The following PALS1 variants were observed in gnomAD, a reference collection of about 807,000 sequenced individuals.
The protein encoded by PALS1 is protein associated with LIN7 1, MAGUK p55 family member, also known as protein PALS1.
A neutral mutation model predicts 78.9 loss-of-function variants in PALS1; 31 were observed. The observed-to-expected ratio is 0.39, with a 90% confidence interval of 0.30 to 0.53. PALS1 has a LOEUF of 0.53. PALS1 is among the 20% of genes least tolerant of loss of function. The pLI is 0.67. For missense variants in PALS1, 704 were observed against 826.5 expected (o/e 0.85, Z 1.82); for synonymous variants, 276 against 270.9 (o/e 1.02, Z -0.18).
At chr14:67,291,453 T>G (rs1007740876) in intron 3 of PALS1, among the ~76,000 whole-genome samples, 1 of 152,022 alleles carries the variant, frequency 6.6e-6, no homozygotes, top group Admixed American at 6.6e-5. Context: ...CCCGGCTAAT[T>G]TTTGTATTTT....
intron 2 of PALS1, among the ~76,000 whole-genome samples, chr14:67,273,609 A>G (rs2084450692): frequency 6.6e-6 from 1 of 152,236 alleles, no homozygotes; most frequent in Non-Finnish European, 1.5e-5. Context: ...TTATAGCAGC[A>G]TGATTTATAA....
At chr14:67,330,455 A>ATT (rs533831095) in intron 14 of PALS1, among the ~76,000 whole-genome samples, 23 of 117,798 alleles carry the variant, frequency 2.0e-4, no homozygotes, top group Middle Eastern at 4.1e-3. Flanking sequence ...ATTTCCCTTC[A>ATT]TTTTTTTTTT....
intron 3 of PALS1, among the ~76,000 whole-genome samples, chr14:67,288,371 C>G (rs964114960): frequency 6.6e-6 from 1 of 152,064 alleles, no homozygotes; most frequent in Non-Finnish European, 1.5e-5. Flanking sequence ...CATGACCCAC[C>G]GCACCCAGCC....
chr14:67,286,184 G>A (rs2084683421), intron 3 of PALS1, among the ~76,000 whole-genome samples: 1 of 152,210 alleles, frequency 6.6e-6, no homozygotes, highest in Admixed American at 6.5e-5. Flanking sequence ...TGGGCAGAGT[G>A]CCTCCATCCC....
intron 1 of PALS1, among the ~76,000 whole-genome samples, chr14:67,248,087 TTTTTC>T (rs1200095434): frequency 1.3e-5 from 2 of 152,200 alleles, no homozygotes; most frequent in Non-Finnish European, 2.9e-5. Context: ...TGTGTGAACT[TTTTTC>T]TTTAATCTGT....
At chr14:67,281,939 G>A (rs988182818) in intron 3 of PALS1, among the ~76,000 whole-genome samples, 19 of 151,968 alleles carry the variant, frequency 1.3e-4, no homozygotes, top group Admixed American at 6.6e-5. Context: ...CCTATGTGTG[G>A]TCCTTGAATT....
chr14:67,282,648 T>C (rs1051338403), intron 3 of PALS1, among the ~76,000 whole-genome samples: 5 of 152,130 alleles, frequency 3.3e-5, no homozygotes, highest in African/African-American at 1.2e-4. Flanking sequence ...GAAATAGTGA[T>C]ATGGGAACTA....
intron 2 of PALS1, chr14:67,271,122 A>G (rs923623198): frequency 1.3e-5 from 2 of 152,348 alleles, no homozygotes; most frequent in South Asian, 2.1e-4. Context: ...GTTTGCTCAT[A>G]TACTTAATTA....
chr14:67,295,274 C>T (rs987150954), intron 4 of PALS1, among the ~76,000 whole-genome samples: 2 of 151,586 alleles, frequency 1.3e-5, no homozygotes, highest in African/African-American at 2.4e-5. Flanking sequence ...CATTTGAGGT[C>T]AGGAGTTCAA....
chr14:67,287,580 A>G (rs1743278487), intron 3 of PALS1, among the ~76,000 whole-genome samples: 1 of 152,276 alleles, frequency 6.6e-6, no homozygotes, highest in African/African-American at 2.4e-5. Context: ...TTGTGAGAAC[A>G]GACATTCATG....
At chr14:67,279,562 G>T (rs1212256336) in intron 3 of PALS1, 25 bp downstream of exon 3, 1 of 1,503,054 alleles carries the variant, frequency 6.7e-7, no homozygotes, top group South Asian at 1.4e-5. Flanking sequence ...AGGTATAACA[G>T]AAAACATTTT....
At chr14:67,320,867 A>G (rs2085253589) in intron 12 of PALS1, among the ~76,000 whole-genome samples, 190 bp from the exon 13 acceptor site, 1 of 152,164 alleles carries the variant, frequency 6.6e-6, no homozygotes, top group Non-Finnish European at 1.5e-5. Flanking sequence ...GATACTACAA[A>G]CTCATTTTTG....
intron 9 of PALS1, among the ~76,000 whole-genome samples, chr14:67,315,262 T>A (rs2085150884): frequency 6.7e-6 from 1 of 148,386 alleles, no homozygotes; most frequent in Admixed American, 6.9e-5. Flanking sequence ...CGGTTACTTA[T>A]TTTTAATTTT....
At chr14:67,244,952 G>A (rs1438278703) in intron 1 of PALS1, among the ~76,000 whole-genome samples, 1 of 152,140 alleles carries the variant, frequency 6.6e-6, no homozygotes, top group African/African-American at 2.4e-5. Flanking sequence ...AGAGGCAGAA[G>A]AGTAGAGTCA....
At chr14:67,244,974 T>A (rs1263439887) in intron 1 of PALS1, among the ~76,000 whole-genome samples, 1 of 152,130 alleles carries the variant, frequency 6.6e-6, no homozygotes, top group Non-Finnish European at 1.5e-5. Context: ...GAAAAAAAGA[T>A]GTAACAATTG....
At chr14:67,264,961 A>G (rs1168382340) in intron 1 of PALS1, among the ~76,000 whole-genome samples, 1 of 152,096 alleles carries the variant, frequency 6.6e-6, no homozygotes, top group African/African-American at 2.4e-5. Context: ...ATGAGGGCAG[A>G]TGATTTATGT....
Position 67,279,042 on chromosome 14 carries a change from T to C in PALS1, c.-129T>C. 2 of 827,562 alleles carry C rather than the reference T, an allele frequency of 2.4e-6. No homozygotes were observed. The highest frequency in any genetic ancestry group is 5.7e-5 in the South Asian group (2 of 34,904). The allele number at this position is 827,562 out of a possible 1,614,324, so 51.3% of individuals were successfully genotyped here. On this transcript the variant is annotated 5_prime_UTR_variant, in exon 3 of 15. It removes the in-frame stop codon of an upstream open reading frame in the 5' UTR. Transcript: ENST00000261681. ...GATTTCCTTCATGGATACTTTTTCA[T>C]AGCATTATTATGTGATGTGAGAAGT... is the stretch of plus-strand genomic sequence containing the variant.
chr14:67,301,488 A>G (rs1470158475), intron 5 of PALS1, 22 bp downstream of exon 5: 11 of 1,544,190 alleles, frequency 7.1e-6, no homozygotes, highest in Non-Finnish European at 9.8e-6. Context: ...ACAGAATACT[A>G]TATATGTGGT....
rs2085190318 is a variant in PALS1, at chr14:67,317,282, T to C, written c.1298-126T>C. 5.2e-6 allele frequency: 4 copies of C among 764,386 alleles called. No homozygotes were observed. The Admixed American group carries it at 1.2e-4, about 23-fold the overall frequency. The allele number at this position is 764,386 out of a possible 1,614,324, so 47.4% of individuals were successfully genotyped here. Reference sequence around the variant, plus strand: ...GTTCAAGACAAGCGTGGCCAACATATGGAGATCTCGTTTCTGCAAAAAAAT... The same window carrying C: ...GTTCAAGACAAGCGTGGCCAACATACGGAGATCTCGTTTCTGCAAAAAAAT... On this transcript the variant is annotated intron_variant, in intron 10 of 14. Coordinates refer to ENST00000261681, the MANE Select transcript of PALS1 (RefSeq NM_022474.4).
Sources: gnomAD v4.1 joint callset for allele counts (sites outside exome capture counted in the v4.1 genomes callset) on GRCh38, gnomAD v4.1.1 for gene constraint, MANE v1.5 for transcripts, NCBI Gene and HGNC (gene_info 2026-07-23, HGNC 2026-07-21) for gene names.